MAN1C1: variants seen among roughly 807,000 people sequenced by gnomAD.
The protein encoded by MAN1C1 is mannosyl-oligosaccharide 1,2-alpha-mannosidase IC.
MAN1C1 carries 49 observed loss-of-function variants against 71.5 expected under a neutral mutation model. That is an observed-to-expected ratio of 0.69 (90% CI 0.54 to 0.87). The LOEUF (loss-of-function observed/expected upper bound fraction) is 0.87, where lower values mean the gene tolerates loss of function less well. MAN1C1 is among the 40% of genes least tolerant of loss of function. The pLI, the probability that MAN1C1 is intolerant of heterozygous loss-of-function variation, is 0.00. For synonymous variants in MAN1C1, 352 were observed against 343.7 expected (o/e 1.02, Z -0.27); for missense variants, 743 against 835.0 (o/e 0.89, Z 1.36).
intron 2 of MAN1C1, among the ~76,000 whole-genome samples, chr1:25,688,612 T>G (rs2046265972): frequency 6.6e-6 from 1 of 152,182 alleles, no homozygotes; most frequent in African/African-American, 2.4e-5. Flanking sequence ...TCAAGCCTGG[T>G]GGCGCATGCT....
intron 2 of MAN1C1, among the ~76,000 whole-genome samples, chr1:25,693,943 C>A (rs2046338838): frequency 6.6e-6 from 1 of 152,168 alleles, no homozygotes; most frequent in Non-Finnish European, 1.5e-5. Flanking sequence ...GTGTATAGTA[C>A]CTGCCCATAT....
At chr1:25,729,497 G>A (rs2124296801) in intron 2 of MAN1C1, among the ~76,000 whole-genome samples, 1 of 147,352 alleles carries the variant, frequency 6.8e-6, no homozygotes, top group Admixed American at 6.8e-5. Context: ...TTTTTGAGAT[G>A]GTGTCTCGCT....
rs2045434203 is a variant in MAN1C1 at position 25,634,875 on chromosome 1, A to T, written c.540+16538A>T. Among the ~76,000 whole-genome samples the T allele has an allele frequency of 6.6e-6, 1 of 152,086 alleles. No individual in the cohort carries two copies. The highest frequency in any genetic ancestry group is 6.5e-5 in the Admixed American group (1 of 15,282). On this transcript the variant is annotated intron_variant, in intron 1 of 11. Transcript: ENST00000374332. The surrounding 1 kb of genome is among the most constrained non-coding windows in gnomAD (Gnocchi z 4.6). ...GAATGCTAAATCAAACTTGCATTTG[A>T]TCTTCTAATATTTTTGTTAAGGATT...
At chr1:25,777,285 C>T (rs1300497131) in intron 8 of MAN1C1, among the ~76,000 whole-genome samples, 1 of 152,194 alleles carries the variant, frequency 6.6e-6, no homozygotes, top group Non-Finnish European at 1.5e-5. Context: ...CCCACCAGCC[C>T]ATGGAGTCTG....
At chr1:25,675,803 C>T (rs2046059024) in intron 1 of MAN1C1, among the ~76,000 whole-genome samples, 1 of 152,216 alleles carries the variant, frequency 6.6e-6, no homozygotes, top group African/African-American at 2.4e-5. Context: ...CAACACTTTA[C>T]ATCTGTTATT....
chr1:25,698,227 A>G (rs1374779847), intron 2 of MAN1C1, among the ~76,000 whole-genome samples: 26 of 152,322 alleles, frequency 1.7e-4, no homozygotes, highest in Non-Finnish European at 2.9e-5. Context: ...ATTGAAGTAG[A>G]GCTTCTCCAG....
chr1:25,637,192 C>G (rs1420044542), intron 1 of MAN1C1, among the ~76,000 whole-genome samples: 1 of 152,008 alleles, frequency 6.6e-6, no homozygotes, highest in Non-Finnish European at 1.5e-5. Context: ...TTAGGTCATA[C>G]TTTATCAGTT....
chr1:25,708,056 A>G (rs1229981465), intron 2 of MAN1C1, among the ~76,000 whole-genome samples: 1 of 152,234 alleles, frequency 6.6e-6, no homozygotes, highest in Non-Finnish European at 1.5e-5. Context: ...TACACAAGAA[A>G]GAATTTGGGG....
chr1:25,693,171 A>T (rs530557157), intron 2 of MAN1C1, among the ~76,000 whole-genome samples: 2 of 152,364 alleles, frequency 1.3e-5, no homozygotes, highest in East Asian at 1.9e-4. Flanking sequence ...GCTAGAGAAA[A>T]TTAAATCTTA....
At chr1:25,733,206 G>A (rs2982295) in intron 2 of MAN1C1, among the ~76,000 whole-genome samples, 130 of 152,174 alleles carry the variant, frequency 8.5e-4, no homozygotes, top group African/African-American at 2.9e-3. Flanking sequence ...TCCTGCCCCC[G>A]TCCTCCTCAT....
At chr1:25,742,043 G>A (rs2047069675) in intron 2 of MAN1C1, among the ~76,000 whole-genome samples, 1 of 152,194 alleles carries the variant, frequency 6.6e-6, no homozygotes, top group Middle Eastern at 3.2e-3. Flanking sequence ...GTAGTGGTGG[G>A]TGCCCAAGAA....
chr1:25,619,695 G>C (rs1462103270), intron 1 of MAN1C1, among the ~76,000 whole-genome samples: 3 of 152,176 alleles, frequency 2.0e-5, no homozygotes, highest in Non-Finnish European at 4.4e-5. Context: ...GAAATCTCAG[G>C]TTGAGTGACA....
chr1:25,783,950 A>T lies in MAN1C1; in HGVS notation c.*161A>T, dbSNP rs1254772235. On this transcript the variant is annotated 3_prime_UTR_variant, in exon 12 of 12. Coordinates refer to ENST00000374332, the MANE Select transcript of MAN1C1 (RefSeq NM_020379.4). Reference sequence around the variant, plus strand: ...TTCTTTTCCTCTGTGAGGAGACAAGACTTGGAGACTCAGCGATGTCAGGCC... The same window carrying T: ...TTCTTTTCCTCTGTGAGGAGACAAGTCTTGGAGACTCAGCGATGTCAGGCC... The T allele has an allele frequency of 1.1e-6, 1 of 930,888 alleles. No homozygotes were observed. Among genetic ancestry groups the T allele is most frequent in the African/African-American group, 1.7e-5 (1 of 60,168 alleles). The allele number at this position is 930,888 out of a possible 1,614,324, so 57.7% of individuals were successfully genotyped here. A position where few individuals can be genotyped will look rare whatever the true frequency, so the allele number is the denominator to read the frequency against.
In MAN1C1 at chr1:25,689,852, C is replaced by G. The variant is rs550011976; in HGVS notation, c.637+3316C>G. On this transcript the variant is annotated intron_variant, in intron 2 of 11. Coordinates refer to ENST00000374332, the MANE Select transcript of MAN1C1 (RefSeq NM_020379.4). ...GAGACCCTGAGCAGCGCCCCGCCTC[C>G]TGGTGCTCGGCTTGGACACTGGCTC... 1.6e-3 allele frequency among the ~76,000 whole-genome samples: 246 copies of G among 152,336 alleles called. 1 individual carries two copies. The highest frequency in any genetic ancestry group is 5.7e-3 in the African/African-American group (235 of 41,574).
At chr1:25,733,029 C>A (rs1451704474) in intron 2 of MAN1C1, among the ~76,000 whole-genome samples, 2 of 152,216 alleles carry the variant, frequency 1.3e-5, no homozygotes, top group Non-Finnish European at 2.9e-5. Flanking sequence ...GGCTCTGGCA[C>A]TGTCAAAGAC....
intron 2 of MAN1C1, among the ~76,000 whole-genome samples, chr1:25,705,477 G>T (rs2046508328): frequency 6.6e-6 from 1 of 152,174 alleles, no homozygotes; most frequent in Non-Finnish European, 1.5e-5. Context: ...TGCATTTACT[G>T]GACATTTAGG....
intron 1 of MAN1C1, among the ~76,000 whole-genome samples, chr1:25,673,050 G>A (rs530176664): frequency 6.6e-6 from 1 of 152,114 alleles, no homozygotes; most frequent in African/African-American, 2.4e-5. Context: ...AGAGGTGAAC[G>A]GGGAGGGGGA....
At chr1:25,704,996 C>T (rs2046499881) in intron 2 of MAN1C1, among the ~76,000 whole-genome samples, 1 of 152,212 alleles carries the variant, frequency 6.6e-6, no homozygotes, top group African/African-American at 2.4e-5. Context: ...AGTCTTCATG[C>T]CTCTTCTCAG....
At chr1:25,621,151 T>G (rs1324149136) in intron 1 of MAN1C1, among the ~76,000 whole-genome samples, 1 of 152,224 alleles carries the variant, frequency 6.6e-6, no homozygotes, top group African/African-American at 2.4e-5. Flanking sequence ...CTAAGTGAAC[T>G]GGCAGTCTGG....
Sources: allele counts gnomAD v4.1 joint callset (sites outside exome capture counted in the v4.1 genomes callset), GRCh38; gene constraint gnomAD v4.1.1; non-coding constraint Gnocchi (gnomAD v3.1); transcripts MANE v1.5; gene names NCBI Gene and HGNC (gene_info 2026-07-23, HGNC 2026-07-21).